EDIL3: variants seen among roughly 807,000 people sequenced by gnomAD.
The protein encoded by EDIL3 is EGF like and discoidin domains 3.
In EDIL3, 37 loss-of-function variants were observed where a neutral mutation model predicts 67.4. That is an observed-to-expected ratio of 0.55 (90% confidence interval 0.42 to 0.72). EDIL3 has a LOEUF of 0.72. EDIL3 is among the 30% of genes least tolerant of loss of function. The pLI is 0.00. For missense variants in EDIL3, 527 were observed against 586.3 expected (o/e 0.90, Z 1.04); for synonymous variants, 195 against 196.3 (o/e 0.99, Z 0.05).
intron 9 of EDIL3, among the ~76,000 whole-genome samples, chr5:83,985,070 CT>C (rs1490566983): frequency 3.3e-5 from 5 of 151,900 alleles, no homozygotes; most frequent in African/African-American, 1.2e-4. Context: ...TGGATTCCTT[CT>C]TTTTCCCATT....
At chr5:84,132,528 T>TTATATATTTTATATATAA (rs1167215367) in intron 5 of EDIL3, among the ~76,000 whole-genome samples, 2 of 116,564 alleles carry the variant, frequency 1.7e-5, no homozygotes, top group African/African-American at 3.6e-5. Context: ...TTAATATATA[T>TTATATATTTTATATATAA]TATATATTTT....
intron 9 of EDIL3, among the ~76,000 whole-genome samples, chr5:84,025,386 A>T (rs888993550): frequency 1.3e-5 from 2 of 152,174 alleles, no homozygotes; most frequent in Admixed American, 1.3e-4. Flanking sequence ...TCAGCAGATC[A>T]TCAGACTGTC....
At chr5:84,019,824 G>A (rs1391747504) in intron 9 of EDIL3, among the ~76,000 whole-genome samples, 4 of 151,922 alleles carry the variant, frequency 2.6e-5, no homozygotes, top group Admixed American at 2.6e-4. Context: ...AATCTCGCTG[G>A]TTCTAGCTGA....
At chr5:84,130,522 A>C (rs1747946103) in intron 5 of EDIL3, among the ~76,000 whole-genome samples, 1 of 152,016 alleles carries the variant, frequency 6.6e-6, no homozygotes, top group Non-Finnish European at 1.5e-5. Flanking sequence ...TTTCATTCTA[A>C]TTTTCACTTC....
chr5:84,205,468 A>T (rs2112382795), intron 3 of EDIL3, among the ~76,000 whole-genome samples: 1 of 152,314 alleles, frequency 6.6e-6, no homozygotes, highest in Non-Finnish European at 1.5e-5. Context: ...CAATAGCCAA[A>T]ATATTTAAAA....
Position 84,234,651 on chromosome 5 carries a change from T to A in EDIL3, c.197-4767A>T, listed in dbSNP as rs974515359. Among the ~76,000 whole-genome samples the A allele has an allele frequency of 2.0e-5, 3 of 152,168 alleles. No individual in the cohort carries two copies. The East Asian group carries it at 5.8e-4, about 29-fold the overall frequency. ...ATTTTACACCCAGTGTGGCTTACCA[T>A]CAAATAGGAAAATCTCATTATGAAA... On this transcript the variant is annotated intron_variant, in intron 2 of 10. Coordinates refer to ENST00000296591, the MANE Select transcript of EDIL3 (RefSeq NM_005711.5).
intron 9 of EDIL3, among the ~76,000 whole-genome samples, chr5:83,975,740 CTGTTT>C (rs1351777777): frequency 1.3e-5 from 2 of 151,762 alleles, no homozygotes; most frequent in Non-Finnish European, 2.9e-5. Context: ...AGTTGAAACA[CTGTTT>C]TAAACAAAAG....
chr5:84,348,478 A>C (rs1012917481), intron 1 of EDIL3, among the ~76,000 whole-genome samples: 1 of 152,116 alleles, frequency 6.6e-6, no homozygotes, highest in Admixed American at 6.5e-5. Flanking sequence ...TTATTAAAAA[A>C]TCTAACTTAC....
chr5:84,222,967 G>A (rs546666421), intron 3 of EDIL3, among the ~76,000 whole-genome samples: 1 of 151,750 alleles, frequency 6.6e-6, no homozygotes, highest in Non-Finnish European at 1.5e-5. Context: ...TTGTTGTGCA[G>A]AAGCTTTTTA....
chr5:84,031,079 CT>C (rs1237156329), intron 9 of EDIL3, among the ~76,000 whole-genome samples: 5 of 152,218 alleles, frequency 3.3e-5, no homozygotes, highest in African/African-American at 9.6e-5. Flanking sequence ...TGTCTGTGTC[CT>C]AATCTCCTCT....
intron 3 of EDIL3, among the ~76,000 whole-genome samples, chr5:84,216,381 T>C (rs1300896418): frequency 6.6e-6 from 1 of 152,242 alleles, no homozygotes. Flanking sequence ...GAATGTACAA[T>C]TTTATAATAT....
chr5:84,033,076 G>A (rs1745957154), intron 9 of EDIL3, among the ~76,000 whole-genome samples: 1 of 152,056 alleles, frequency 6.6e-6, no homozygotes, highest in African/African-American at 2.4e-5. Context: ...TACCCATCAA[G>A]GAATTTCCAA....
At chr5:84,021,010 AAGTC>A (rs796127860) in intron 9 of EDIL3, among the ~76,000 whole-genome samples, 16 of 152,180 alleles carry the variant, frequency 1.1e-4, no homozygotes, top group African/African-American at 3.1e-4. Flanking sequence ...AAAGAATTCA[AAGTC>A]AGTCAGAGAA....
chr5:84,334,143 T>C (rs1393628825), intron 1 of EDIL3, among the ~76,000 whole-genome samples: 2 of 150,856 alleles, frequency 1.3e-5, no homozygotes, highest in Non-Finnish European at 3.0e-5. Flanking sequence ...CTCGGCTCAC[T>C]GCAACCTCTG....
intron 3 of EDIL3, among the ~76,000 whole-genome samples, chr5:84,209,242 G>T (rs565583728): frequency 1.1e-4 from 16 of 151,612 alleles, no homozygotes; most frequent in Middle Eastern, 3.4e-3. Context: ...GGGGGAGAGG[G>T]GAGGGATAGC....
chr5:84,054,320 G>C (rs1175497794), intron 9 of EDIL3, among the ~76,000 whole-genome samples: 8 of 152,066 alleles, frequency 5.3e-5, no homozygotes, highest in Non-Finnish European at 1.0e-4. Flanking sequence ...AAAATAATAA[G>C]AGCTATTTAT....
At chr5:83,966,464 C>T (rs1053830321) in intron 9 of EDIL3, among the ~76,000 whole-genome samples, 3 of 151,892 alleles carry the variant, frequency 2.0e-5, no homozygotes, top group African/African-American at 7.3e-5. Flanking sequence ...GACACAGTGT[C>T]AAGGAAACAC....
intron 5 of EDIL3, among the ~76,000 whole-genome samples, chr5:84,123,470 A>T (rs1014480863): frequency 2.4e-4 from 36 of 152,012 alleles, no homozygotes; most frequent in African/African-American, 8.4e-4. Context: ...TCTCTTTTCT[A>T]TCATATTCAC....
intron 9 of EDIL3, among the ~76,000 whole-genome samples, chr5:84,005,151 C>G (rs1434972169): frequency 6.6e-6 from 1 of 151,980 alleles, no homozygotes; most frequent in Non-Finnish European, 1.5e-5. Context: ...AAACCCTGAA[C>G]AGATCAATAA....
Sources: gnomAD v4.1 joint callset for allele counts (sites outside exome capture counted in the v4.1 genomes callset) on GRCh38, gnomAD v4.1.1 for gene constraint, MANE v1.5 for transcripts, NCBI Gene and HGNC (gene_info 2026-07-23, HGNC 2026-07-21) for gene names.